Variants in POLR3C observed in about 807,000 individuals in gnomAD.
The protein encoded by POLR3C is RNA polymerase III subunit C.
Under a neutral mutation model 65.9 loss-of-function variants are expected in POLR3C, and 44 were observed. The ratio of observed to expected loss-of-function variants is 0.67; its 90% CI spans 0.52 to 0.86. The LOEUF is 0.86. POLR3C is among the 40% of genes least tolerant of loss of function. The pLI, the probability that POLR3C is intolerant of heterozygous loss-of-function variation, is 0.00. For missense variants in POLR3C, 576 were observed against 653.2 expected, an observed-to-expected ratio of 0.88 and a Z score of 1.29; for synonymous variants, 263 against 231.6, an observed-to-expected ratio of 1.14 and a Z score of -1.23.
chr1:145,841,317 G>A (rs1278529386), intron 14 of POLR3C, among the ~76,000 whole-genome samples: 1 of 152,164 alleles, frequency 6.6e-6, no homozygotes, highest in Non-Finnish European at 1.5e-5. Flanking sequence ...AAGAGACGGG[G>A]TTTTGGCTGT....
At chr1:145,836,603 T>G in intron 8 of POLR3C, 29 bp downstream of exon 8, 1 of 1,348,330 alleles carries the variant, frequency 7.4e-7, no homozygotes, top group East Asian at 2.3e-5. Flanking sequence ...TTTTTCTTTT[T>G]TCTTTAGCCT....
At chr1:145,836,390 G>T (rs1570743850) in intron 7 of POLR3C, 104 bp from the exon 8 acceptor site, 2 of 744,254 alleles carry the variant, frequency 2.7e-6, no homozygotes, top group South Asian at 2.9e-5. Flanking sequence ...AAAGTGTTCG[G>T]ATTACAGGCC....
At chr1:145,840,232 C>G in intron 13 of POLR3C, 67 bp downstream of exon 13, 1 of 1,034,230 alleles carries the variant, frequency 9.7e-7, no homozygotes, top group East Asian at 2.4e-5. Context: ...GAAATTTCCT[C>G]TAGAAATAGG....
intron 1 of POLR3C, among the ~76,000 whole-genome samples, chr1:145,825,444 T>A (rs2101627604): frequency 6.6e-6 from 1 of 152,324 alleles, no homozygotes; most frequent in South Asian, 2.1e-4. Context: ...ATACGCATCG[T>A]ACTAAATAAC....
At chr1:145,832,302 G>A (rs782731251) in intron 5 of POLR3C, among the ~76,000 whole-genome samples, 1 of 152,154 alleles carries the variant, frequency 6.6e-6, no homozygotes, top group Non-Finnish European at 1.5e-5. Context: ...CCAACTGTTT[G>A]AGAAGCTTGG....
At chr1:145,837,980 C>A in intron 10 of POLR3C, 76 bp from the exon 11 acceptor site, 2 of 1,349,156 alleles carry the variant, frequency 1.5e-6, no homozygotes, top group Non-Finnish European at 2.1e-6. Flanking sequence ...TGGAATAGAA[C>A]AACCACCCCA....
At chr1:145,829,489 G>A (rs1553726626) in intron 5 of POLR3C, among the ~76,000 whole-genome samples, 2 of 152,140 alleles carry the variant, frequency 1.3e-5, no homozygotes, top group Non-Finnish European at 2.9e-5. Flanking sequence ...GGTCTCCCTA[G>A]CTGCATTCTT....
intron 11 of POLR3C, among the ~76,000 whole-genome samples, chr1:145,839,025 C>T (rs1220130626): frequency 2.6e-5 from 4 of 152,266 alleles, no homozygotes; most frequent in Middle Eastern, 3.4e-3. Context: ...AATCCCAGCA[C>T]TTTGGGAGGC....
intron 5 of POLR3C, among the ~76,000 whole-genome samples, chr1:145,832,031 C>T (rs375464331): frequency 3.3e-5 from 5 of 151,676 alleles, no homozygotes; most frequent in African/African-American, 9.7e-5. Flanking sequence ...GACAAAGACC[C>T]TGTCTTTAAA....
In POLR3C at chr1:145,833,700, A is replaced by G. The variant is rs187207323; in HGVS notation, c.876+118A>G. On this transcript the variant is annotated intron_variant, in intron 7 of 14. Coordinates refer to ENST00000334163, the MANE Select transcript of POLR3C (RefSeq NM_006468.8). The stretch of plus-strand genomic sequence containing the variant: ...GAGCCTTGAAAGAGAAGGGCATTTG[A>G]TGTGGAGCAGGGATTATCTTCAAGT... 1.4e-5 allele frequency: 10 copies of G among 712,732 alleles called. No individual in the cohort carries two copies. The African/African-American group carries it at 1.6e-4, about 11-fold the overall frequency. The allele number at this position is 712,732 out of a possible 1,614,324, so 44.2% of individuals were successfully genotyped here.
intron 12 of POLR3C, 34 bp from the exon 13 acceptor site, chr1:145,840,082 A>C (rs782598575): frequency 2.5e-6 from 4 of 1,575,342 alleles, no homozygotes; most frequent in South Asian, 1.1e-5. Flanking sequence ...AAATAGAACT[A>C]TGTGCATTCC....
At chr1:145,838,507 C>T (rs1570749153) in intron 11 of POLR3C, among the ~76,000 whole-genome samples, 1 of 151,996 alleles carries the variant, frequency 6.6e-6, no homozygotes, top group East Asian at 1.9e-4. Flanking sequence ...CATGGTGAAA[C>T]TCCGTCTCTA....
intron 4 of POLR3C, 128 bp from the exon 5 acceptor site, chr1:145,828,621 C>A: frequency 1.5e-6 from 1 of 666,664 alleles, no homozygotes. Context: ...GCTCTTCAGC[C>A]CCCTAAGCAA....
chr1:145,829,787 G>A (rs781876204), intron 5 of POLR3C, among the ~76,000 whole-genome samples: 29 of 152,126 alleles, frequency 1.9e-4, no homozygotes, highest in Admixed American at 3.3e-4. Flanking sequence ...TCAAATGTTT[G>A]TCCCCAGATC....
chr1:145,831,857 C>T (rs981772440), intron 5 of POLR3C, among the ~76,000 whole-genome samples: 2 of 152,112 alleles, frequency 1.3e-5, no homozygotes, highest in East Asian at 1.9e-4. Context: ...TCCTGAGCAA[C>T]ATGGTGAGAC....
chr1:145,833,724 G>GT (rs1314638718), intron 7 of POLR3C, 142 bp downstream of exon 7: 1 of 650,456 alleles, frequency 1.5e-6, no homozygotes, highest in East Asian at 2.6e-5. Context: ...TTATCTTCAA[G>GT]TGATGAGCAC....
intron 14 of POLR3C, among the ~76,000 whole-genome samples, chr1:145,841,729 A>G (rs1051662960): frequency 1.3e-5 from 2 of 151,664 alleles, no homozygotes; most frequent in African/African-American, 2.4e-5. Flanking sequence ...GAGATTTTTT[A>G]TAATAGGATT....
chr1:145,837,743 C>A, intron 10 of POLR3C, 147 bp downstream of exon 10: 1 of 718,310 alleles, frequency 1.4e-6, no homozygotes. Context: ...TCATGTAATA[C>A]TGCTCTTTAC....
intron 4 of POLR3C, 131 bp from the exon 5 acceptor site, chr1:145,828,618 A>C (rs1650989399): frequency 4.6e-6 from 3 of 651,578 alleles, no homozygotes; most frequent in African/African-American, 3.6e-5. Flanking sequence ...ATAGCTCTTC[A>C]GCCCCCTAAG....
Sources: allele counts gnomAD v4.1 joint callset (sites outside exome capture counted in the v4.1 genomes callset), GRCh38; gene constraint gnomAD v4.1.1; transcripts MANE v1.5; gene names NCBI Gene and HGNC (gene_info 2026-07-23, HGNC 2026-07-21).